The following ARHGAP20 variants were observed in gnomAD, a reference collection of about 807,000 sequenced individuals.
ARHGAP20 encodes rho GTPase-activating protein 20.
ARHGAP20 carries 34 observed loss-of-function variants against 73.7 expected under a neutral mutation model. That is an observed-to-expected ratio of 0.46 (90% CI 0.35 to 0.61). The LOEUF is 0.61. ARHGAP20 is among the 20% of genes least tolerant of loss of function. ARHGAP20 has a pLI of 0.00. For synonymous variants in ARHGAP20, 523 were observed against 518.2 expected, an observed-to-expected ratio of 1.01 and a Z score of -0.13; for missense variants, 1,314 against 1,420.9, an observed-to-expected ratio of 0.92 and a Z score of 1.21.
At chr11:110,695,996 A>G (rs1482828368) in intron 1 of ARHGAP20, among the ~76,000 whole-genome samples, 2 of 151,758 alleles carry the variant, frequency 1.3e-5, no homozygotes, top group Admixed American at 6.6e-5. Context: ...ACAAAAAGAA[A>G]TGAAGTATTG....
chr11:110,605,936 T>C (rs1338319867), intron 9 of ARHGAP20, among the ~76,000 whole-genome samples: 1 of 152,264 alleles, frequency 6.6e-6, no homozygotes, highest in Middle Eastern at 3.2e-3. Flanking sequence ...CTTCTGTTGC[T>C]TATACAATCT....
intron 1 of ARHGAP20, 192 bp downstream of exon 1, chr11:110,711,934 CG>C: frequency 8.0e-7 from 1 of 1,252,362 alleles, no homozygotes; most frequent in South Asian, 3.5e-5. Flanking sequence ...GGGCGCTCTG[CG>C]GGAGGCGGCG....
At chr11:110,709,014 C>T (rs1183019974) in intron 1 of ARHGAP20, among the ~76,000 whole-genome samples, 4 of 152,146 alleles carry the variant, frequency 2.6e-5, no homozygotes, top group African/African-American at 9.7e-5. Context: ...TCCATCATTA[C>T]ACAATGTACC....
At chr11:110,632,845 T>G (rs984137143) in intron 2 of ARHGAP20, among the ~76,000 whole-genome samples, 1 of 152,244 alleles carries the variant, frequency 6.6e-6, no homozygotes, top group African/African-American at 2.4e-5. Context: ...TATACGCATA[T>G]TGAGTTGTAG....
At chr11:110,703,622 A>G (rs897772952) in intron 1 of ARHGAP20, among the ~76,000 whole-genome samples, 1 of 152,154 alleles carries the variant, frequency 6.6e-6, no homozygotes, top group African/African-American at 2.4e-5. Flanking sequence ...AGTGCTGTAT[A>G]TAAATAAATA....
chr11:110,649,204 T>TC (rs1458058126), intron 2 of ARHGAP20, among the ~76,000 whole-genome samples: 3 of 95,590 alleles, frequency 3.1e-5, no homozygotes, highest in African/African-American at 4.4e-5. Flanking sequence ...ATTAAACCTT[T>TC]TTTTTTTTTT....
At chr11:110,581,255 T>A in intron 14 of ARHGAP20, 30 bp from the exon 15 acceptor site, 1 of 1,574,312 alleles carries the variant, frequency 6.4e-7, no homozygotes, top group Non-Finnish European at 8.6e-7. Context: ...ATGATTAACA[T>A]ATTTACTTAC....
At chr11:110,708,643 G>C (rs1265850919) in intron 1 of ARHGAP20, among the ~76,000 whole-genome samples, 2 of 152,060 alleles carry the variant, frequency 1.3e-5, no homozygotes, top group East Asian at 3.9e-4. Context: ...AGAATATAAA[G>C]TATGATTACA....
intron 2 of ARHGAP20, among the ~76,000 whole-genome samples, chr11:110,660,301 A>G (rs1156306724): frequency 6.6e-6 from 1 of 152,128 alleles, no homozygotes; most frequent in South Asian, 2.1e-4. Context: ...TTTTGTTTTC[A>G]CAGAGTGGTG....
In ARHGAP20 at chr11:110,580,924, G is replaced by A; in HGVS notation, c.2022C>T (p.Ala674=). ...GTGTGCACATGGCAGATGGGGCCCTGGCATGATCCCGCAGTGGGATCTTTG... is the reference window on the plus strand; with the variant it reads ...GTGTGCACATGGCAGATGGGGCCCTAGCATGATCCCGCAGTGGGATCTTTG... ...VYTKIPLRDH[A]RAPSAMCTPS... The change falls in exon 15 of 15, where the codon GCC becomes GCT. Residue 674 remains alanine (A), a synonymous_variant. Transcript: ENST00000683387. The A allele has an allele frequency of 6.2e-7, 1 of 1,613,944 alleles. No homozygotes were observed. Among genetic ancestry groups the A allele is most frequent in the Non-Finnish European group, 8.5e-7 (1 of 1,179,810 alleles).
At chr11:110,686,734 C>CAGAATTAA (rs1950139876) in intron 2 of ARHGAP20, among the ~76,000 whole-genome samples, 1 of 151,904 alleles carries the variant, frequency 6.6e-6, no homozygotes, top group African/African-American at 2.4e-5. Context: ...AAAGAGTGCA[C>CAGAATTAA]AGAATTAACT....
At chr11:110,705,807 A>C (rs45541939) in intron 1 of ARHGAP20, among the ~76,000 whole-genome samples, 2,583 of 152,254 alleles carry the variant, frequency 0.017, 53 homozygotes, top group African/African-American at 0.046. Context: ...GTGCACCCAC[A>C]CATAACTCTG....
intron 2 of ARHGAP20, among the ~76,000 whole-genome samples, chr11:110,647,013 G>A (rs1459703892): frequency 6.6e-6 from 1 of 152,128 alleles, no homozygotes; most frequent in East Asian, 1.9e-4. Context: ...AAAATTTACT[G>A]GAGGCTTTTT....
In ARHGAP20 at chr11:110,614,587, C is replaced by A. The variant is rs749855783; in HGVS notation, c.604G>T (p.Ala202Ser). The A allele has an allele frequency of 6.2e-7, 1 of 1,613,098 alleles. No individual in the cohort carries two copies. The highest frequency in any genetic ancestry group is 8.5e-7 in the Non-Finnish European group (1 of 1,179,584). Residue 202 changes from alanine to serine, a missense_variant, in exon 6 of 15, where the codon GCC becomes TCC. Around this residue, in one of 3 missense-constraint regions of ARHGAP20, gnomAD observed 443 missense variants for 466.4 expected, o/e 0.95. Coordinates refer to ENST00000683387, the MANE Select transcript of ARHGAP20 (RefSeq NM_001384657.1). ...TAGGCACAATTCCCAATGTCCTTGGCGAAGATTTTGAGGGGAATGCTCTTC... is the reference window on the plus strand; with the variant it reads ...TAGGCACAATTCCCAATGTCCTTGGAGAAGATTTTGAGGGGAATGCTCTTC... ...YPKSIPLKIFAKDIGNCAYSK... is the reference protein window; with the variant it reads ...YPKSIPLKIFSKDIGNCAYSK...
Position 110,695,419 on chromosome 11 carries a change from T to C in ARHGAP20, c.106-4790A>G, listed in dbSNP as rs185916922. Among the ~76,000 whole-genome samples, 1,140 of 151,720 alleles carry C rather than the reference T, an allele frequency of 7.5e-3. 6 individuals carry two copies. The highest frequency in any genetic ancestry group is 0.014 in the Middle Eastern group (4 of 294). On this transcript the variant is annotated intron_variant, in intron 1 of 14. Transcript: ENST00000683387. ...AAGACAACACACAGAATGGGAAAGCTTTTATTGCAAATCATATATCTGACA... is the reference window on the plus strand; with the variant it reads ...AAGACAACACACAGAATGGGAAAGCCTTTATTGCAAATCATATATCTGACA...
rs1947391264 is a variant in ARHGAP20 at position 110,579,781 on chromosome 11, C to G, written c.3165G>C (p.Lys1055Asn). The G allele has an allele frequency of 6.2e-7, 1 of 1,614,094 alleles. No individual in the cohort carries two copies. The highest frequency in any genetic ancestry group is 8.5e-7 in the Non-Finnish European group (1 of 1,180,014). Reference protein sequence around the residue: ...LKNWSLKKKAKAARPEEEKIA... With the variant: ...LKNWSLKKKANAARPEEEKIA... ...TTTTCTCTTCCTCTGGTCTGGCTGC[C>G]TTTGCTTTCTTTTTGAGGGACCAGT... The change falls in exon 15 of 15, where the codon AAG (lysine) becomes AAC (asparagine). Residue 1055 changes from lysine (K) to asparagine (N), a missense_variant. Coordinates refer to ENST00000683387, the MANE Select transcript of ARHGAP20 (RefSeq NM_001384657.1).
chr11:110,680,779 C>A (rs1221658572), intron 2 of ARHGAP20, among the ~76,000 whole-genome samples: 1 of 152,034 alleles, frequency 6.6e-6, no homozygotes, highest in African/African-American at 2.4e-5. Flanking sequence ...GCACACTGCA[C>A]CACAAACAGA....
chr11:110,583,977 G>T (rs752100667), intron 12 of ARHGAP20, among the ~76,000 whole-genome samples: 5 of 151,852 alleles, frequency 3.3e-5, no homozygotes, highest in Admixed American at 2.0e-4. Flanking sequence ...AAATGTAAAA[G>T]AATGCAGAAA....
At chr11:110,610,287 C>T (rs906177717) in intron 7 of ARHGAP20, among the ~76,000 whole-genome samples, 2 of 135,830 alleles carry the variant, frequency 1.5e-5, no homozygotes, top group Admixed American at 7.3e-5. Flanking sequence ...TACTATAGTA[C>T]TGTGTATAAG....
Sources: allele counts gnomAD v4.1 joint callset (sites outside exome capture counted in the v4.1 genomes callset), GRCh38; gene constraint gnomAD v4.1.1; regional missense constraint gnomAD v4.1.1; transcripts MANE v1.5; gene names NCBI Gene and HGNC (gene_info 2026-07-23, HGNC 2026-07-21).